The following NAALADL2 variants were observed in gnomAD, a reference collection of about 807,000 sequenced individuals.
NAALADL2 encodes the protein inactive N-acetylated-alpha-linked acidic dipeptidase-like protein 2.
Under a neutral mutation model 87.2 loss-of-function variants are expected in NAALADL2, and 76 were observed. That is an observed-to-expected ratio of 0.87 (90% CI 0.72 to 1.05). NAALADL2 has a LOEUF of 1.05. NAALADL2 is among the 50% of genes least tolerant of loss of function. NAALADL2 has a pLI of 0.00. For synonymous variants in NAALADL2, 354 were observed against 331.0 expected (o/e 1.07, Z -0.75); for missense variants, 1,089 against 945.8 (o/e 1.15, Z -1.99).
intron 2 of NAALADL2, among the ~76,000 whole-genome samples, chr3:174,629,168 G>A (rs1165091380): frequency 6.6e-6 from 1 of 152,162 alleles, no homozygotes; most frequent in East Asian, 1.9e-4. Flanking sequence ...TTTAGGGGCA[G>A]TTATGCTTAT....
intron 11 of NAALADL2, among the ~76,000 whole-genome samples, chr3:175,709,120 G>A (rs1255518385): frequency 3.3e-5 from 5 of 152,140 alleles, no homozygotes; most frequent in Admixed American, 6.6e-5. Flanking sequence ...AGGGGCCATC[G>A]TACCTCATGT....
intron 11 of NAALADL2, among the ~76,000 whole-genome samples, chr3:175,628,604 TCTC>T (rs1176950876): frequency 3.5e-4 from 46 of 129,968 alleles, no homozygotes; most frequent in Non-Finnish European, 3.2e-5. Flanking sequence ...ATTAAAATAA[TCTC>T]TCTCTCTATG....
At chr3:175,792,809 G>C (rs1023964469) in intron 13 of NAALADL2, among the ~76,000 whole-genome samples, 12 of 152,152 alleles carry the variant, frequency 7.9e-5, no homozygotes, top group Admixed American at 2.0e-4. Context: ...GTTTCTTTCA[G>C]TCTCTCAGCT....
At chr3:175,061,862 A>G (rs1261670661) in intron 1 of NAALADL2, among the ~76,000 whole-genome samples, 2 of 151,870 alleles carry the variant, frequency 1.3e-5, no homozygotes, top group Non-Finnish European at 2.9e-5. Flanking sequence ...TCTTGCATTA[A>G]AGGAGATACA....
At chr3:174,590,289 C>T (rs1717218925) in intron 2 of NAALADL2, among the ~76,000 whole-genome samples, 1 of 151,898 alleles carries the variant, frequency 6.6e-6, no homozygotes, top group African/African-American at 2.4e-5. Flanking sequence ...TTTATTTGAA[C>T]CATATAGAAG....
intron 1 of NAALADL2, among the ~76,000 whole-genome samples, chr3:174,915,033 T>C (rs1222098809): frequency 6.6e-6 from 1 of 152,212 alleles, no homozygotes; most frequent in Non-Finnish European, 1.5e-5. Context: ...AAAGTCTCTA[T>C]TCTGGACAGG....
chr3:175,042,763 A>G (rs1271405716), intron 1 of NAALADL2, among the ~76,000 whole-genome samples: 1 of 152,178 alleles, frequency 6.6e-6, no homozygotes, highest in African/African-American at 2.4e-5. Flanking sequence ...CAGTTCCACT[A>G]TGGTTTGGAT....
intron 2 of NAALADL2, among the ~76,000 whole-genome samples, chr3:175,131,775 A>ACC (rs531991632): frequency 2.2e-5 from 3 of 135,202 alleles, no homozygotes; most frequent in African/African-American, 8.7e-5. Context: ...CAGGGGGCTG[A>ACC]CCCCCCCACC....
Position 175,234,093 on chromosome 3 carries a change from T to G in NAALADL2, c.708T>G (p.Ser236Arg). ...PSPSTVTLSS[S>R]GQCFHPNGQP... is the part of the protein sequence containing the mutation. The stretch of plus-strand genomic sequence containing the variant: ...CCAGCACTGTGACTCTGAGCAGCAG[T>G]GGTCAATGCTTTCATCCTAATGGCC... Residue 236 changes from serine (S) to arginine (R), a missense_variant, in exon 3 of 14, where the codon AGT becomes AGG. Transcript: ENST00000454872. 1 of 1,613,914 alleles carries G rather than the reference T, an allele frequency of 6.2e-7. No homozygotes were observed. The highest frequency in any genetic ancestry group is 8.5e-7 in the Non-Finnish European group (1 of 1,179,836).
intron 2 of NAALADL2, among the ~76,000 whole-genome samples, chr3:174,737,260 C>T (rs1733315119): frequency 6.6e-6 from 1 of 152,232 alleles, no homozygotes; most frequent in African/African-American, 2.4e-5. Context: ...CTTGGCCTCC[C>T]AAAGTGCTTG....
At chr3:175,093,932 A>G (rs1475870587) in intron 1 of NAALADL2, among the ~76,000 whole-genome samples, 1 of 151,896 alleles carries the variant, frequency 6.6e-6, no homozygotes, top group African/African-American at 2.4e-5. Flanking sequence ...TGTACATGTG[A>G]TGGAATGCGT....
intron 11 of NAALADL2, among the ~76,000 whole-genome samples, chr3:175,673,178 C>G (rs977463681): frequency 6.6e-6 from 1 of 152,136 alleles, no homozygotes; most frequent in Non-Finnish European, 1.5e-5. Flanking sequence ...ATCTTTTTAA[C>G]AGGCAGAGTA....
chr3:175,204,434 C>A (rs1224147284), intron 2 of NAALADL2, among the ~76,000 whole-genome samples: 4 of 152,048 alleles, frequency 2.6e-5, no homozygotes, highest in African/African-American at 9.7e-5. Context: ...CATGCAGGGG[C>A]ATATCTTAAT....
At chr3:175,134,068 C>G (rs116040844) in intron 2 of NAALADL2, among the ~76,000 whole-genome samples, 4 of 152,264 alleles carry the variant, frequency 2.6e-5, no homozygotes, top group Non-Finnish European at 4.4e-5. Context: ...AAGTTTGGAT[C>G]TACCTGTTCA....
intron 1 of NAALADL2, among the ~76,000 whole-genome samples, chr3:174,541,911 T>C (rs909653840): frequency 5.2e-5 from 3 of 58,092 alleles, no homozygotes; most frequent in Non-Finnish European, 1.1e-4. Context: ...AGCATGTCCA[T>C]TGAAGCAGCA....
intron 2 of NAALADL2, among the ~76,000 whole-genome samples, chr3:174,676,025 A>T (rs1727004086): frequency 6.6e-6 from 1 of 152,084 alleles, no homozygotes; most frequent in Non-Finnish European, 1.5e-5. Flanking sequence ...GTAGATTTGC[A>T]TTCTGATTCA....
intron 2 of NAALADL2, among the ~76,000 whole-genome samples, chr3:174,709,187 A>G (rs1730389583): frequency 6.6e-6 from 1 of 152,268 alleles, no homozygotes; most frequent in East Asian, 1.9e-4. Flanking sequence ...TAGAATAGAA[A>G]TACAGACAAG....
intron 4 of NAALADL2, among the ~76,000 whole-genome samples, chr3:175,312,756 G>GT (rs1758543418): frequency 2.6e-5 from 4 of 152,110 alleles, no homozygotes; most frequent in African/African-American, 7.2e-5. Context: ...GAGAATTATA[G>GT]TAACTTATAT....
In NAALADL2 at chr3:175,254,702, A is replaced by C. The variant is rs545294605; in HGVS notation, c.820-1709A>C. 4.6e-5 allele frequency among the ~76,000 whole-genome samples: 7 copies of C among 152,322 alleles called. No individual in the cohort carries two copies. In the East Asian group the frequency reaches 1.2e-3, roughly 25 times the overall value. ...AAATAGGAATTTTTCTCACTTTTGC[A>C]ATGTAATCATTAATATTATGTGATC... is the stretch of plus-strand genomic sequence containing the variant. On this transcript the variant is annotated intron_variant, in intron 3 of 13. Transcript: ENST00000454872.
Sources: gnomAD v4.1 joint callset for allele counts (sites outside exome capture counted in the v4.1 genomes callset) on GRCh38, gnomAD v4.1.1 for gene constraint, MANE v1.5 for transcripts, NCBI Gene and HGNC (gene_info 2026-07-23, HGNC 2026-07-21) for gene names.